Variants in CEP83 observed in about 807,000 individuals in gnomAD.
CEP83 encodes the protein centrosomal protein of 83 kDa.
CEP83 carries 70 observed loss-of-function variants against 101.9 expected under a neutral mutation model. The ratio of observed to expected loss-of-function variants is 0.69; its 90% CI spans 0.57 to 0.84. The LOEUF (loss-of-function observed/expected upper bound fraction) is 0.84. Ranked by LOEUF, CEP83 falls within the 40% of genes least tolerant of loss-of-function variation. CEP83 has a pLI of 0.00. For synonymous variants in CEP83, 264 were observed against 267.9 expected (o/e 0.99, Z 0.14); for missense variants, 715 against 787.2 (o/e 0.91, Z 1.10).
At chr12:94,444,928 C>T (rs1290070648) in intron 1 of CEP83, among the ~76,000 whole-genome samples, 2 of 151,842 alleles carry the variant, frequency 1.3e-5, no homozygotes, top group Non-Finnish European at 2.9e-5. Context: ...TAATTTCTCC[C>T]AAATTCAATG....
chr12:94,307,112 A>C (rs1969116529), downstream of CEP83: 1 of 152,182 alleles, frequency 6.6e-6, no homozygotes, highest in African/African-American at 2.4e-5. Flanking sequence ...TATTTACTAA[A>C]TGCTACATGA....
intron 11 of CEP83, among the ~76,000 whole-genome samples, chr12:94,356,580 T>C (rs944410560): frequency 6.6e-6 from 1 of 152,216 alleles, no homozygotes; most frequent in Non-Finnish European, 1.5e-5. Flanking sequence ...CCTGTTAGAA[T>C]ACATCCCCCA....
the CEP83 span, among the ~76,000 whole-genome samples, chr12:94,273,919 C>G: frequency 6.6e-6 from 1 of 152,134 alleles, no homozygotes; most frequent in East Asian, 1.9e-4. Context: ...CCCTACATTC[C>G]GTGGTGTCAG....
chr12:94,310,926 T>A (rs903437124), intron 15 of CEP83, among the ~76,000 whole-genome samples: 2 of 152,156 alleles, frequency 1.3e-5, no homozygotes, highest in African/African-American at 4.8e-5. Context: ...GTATCTTTTG[T>A]ATATTAATAA....
chr12:94,277,488 A>C, the CEP83 span, among the ~76,000 whole-genome samples: 1 of 152,214 alleles, frequency 6.6e-6, no homozygotes. Context: ...TGCTGTTCTA[A>C]GAACTGTGCG....
At chr12:94,300,405 G>A in the CEP83 span, among the ~76,000 whole-genome samples, 2 of 152,168 alleles carry the variant, frequency 1.3e-5, no homozygotes, top group Admixed American at 1.3e-4. Flanking sequence ...TGTGAGGCAC[G>A]TGCTTGCTTG....
At chr12:94,377,555 C>T (rs1459555239) in intron 7 of CEP83, among the ~76,000 whole-genome samples, 1 of 152,188 alleles carries the variant, frequency 6.6e-6, no homozygotes, top group East Asian at 1.9e-4. Context: ...AAATAATACT[C>T]TCTGGGCACA....
chr12:94,358,718 C>T (rs927109816), intron 11 of CEP83, among the ~76,000 whole-genome samples: 3 of 152,210 alleles, frequency 2.0e-5, no homozygotes, highest in Admixed American at 6.5e-5. Context: ...CCTTCTCCTG[C>T]TATAATTCCA....
chr12:94,272,632 A>G, the CEP83 span, among the ~76,000 whole-genome samples: 1 of 152,296 alleles, frequency 6.6e-6, no homozygotes, highest in Admixed American at 6.5e-5. Flanking sequence ...CCCACTGGGC[A>G]TGGTGGCTCA....
At chr12:94,355,341 A>C (rs1490092738) in intron 11 of CEP83, among the ~76,000 whole-genome samples, 2 of 152,064 alleles carry the variant, frequency 1.3e-5, no homozygotes, top group East Asian at 3.9e-4. Context: ...AAAATACAAA[A>C]AATTAGCCAG....
Position 94,308,887 on chromosome 12 carries a change from G to C in CEP83, c.2032C>G (p.Leu678Val). The C allele has an allele frequency of 1.2e-6, 2 of 1,612,042 alleles. No homozygotes were observed. The highest frequency in any genetic ancestry group is 1.7e-6 in the Non-Finnish European group (2 of 1,178,320). The change falls in exon 17 of 17, where the codon CTT (leucine) becomes GTT (valine). Residue 678 changes from leucine (L) to valine (V), a missense_variant. Coordinates refer to ENST00000397809, the MANE Select transcript of CEP83 (RefSeq NM_016122.3). ...EEQHQRELSL[L>V]RKRLEELETT... ...TCCAGTTCTTCTAGTCTTTTGCGAA[G>C]TAGAGAGAGTTCCCTTTGATGTTGT...
At chr12:94,310,653 C>T (rs570603228) in intron 15 of CEP83, among the ~76,000 whole-genome samples, 3 of 152,016 alleles carry the variant, frequency 2.0e-5, no homozygotes, top group East Asian at 1.9e-4. Flanking sequence ...CATGTTTGCC[C>T]GAATAAAAAT....
Position 94,368,045 on chromosome 12 carries a change from T to C in CEP83, c.1193+12A>G, listed in dbSNP as rs1468263203. The C allele has an allele frequency of 1.2e-6, 2 of 1,611,106 alleles. No homozygotes were observed. Among genetic ancestry groups the C allele is most frequent in the East Asian group, 4.5e-5 (2 of 44,814 alleles). ...GGATATTTAAGTCAAACTAAGGTAA[T>C]TAAGTACTTACTTTTCATCTTGTAA... On this transcript the variant is annotated intron_variant, in intron 10 of 16. Transcript: ENST00000397809.
At chr12:94,417,957 C>T (rs1248749805) in intron 2 of CEP83, among the ~76,000 whole-genome samples, 1 of 152,078 alleles carries the variant, frequency 6.6e-6, no homozygotes, top group East Asian at 1.9e-4. Context: ...GATAAAAATG[C>T]TTAAACAAAC....
intron 2 of CEP83, among the ~76,000 whole-genome samples, chr12:94,420,398 T>C (rs779669753): frequency 5.9e-5 from 9 of 151,782 alleles, no homozygotes; most frequent in Non-Finnish European, 1.0e-4. Context: ...CCATCAACAG[T>C]TGAAGAAACG....
At chr12:94,454,868 C>T (rs570379398) in intron 1 of CEP83, among the ~76,000 whole-genome samples, 4 of 151,752 alleles carry the variant, frequency 2.6e-5, no homozygotes, top group South Asian at 4.2e-4. Context: ...AGCAATACCA[C>T]GAACCCACCG....
chr12:94,400,787 T>C, intron 6 of CEP83, 63 bp downstream of exon 6: 1 of 1,020,480 alleles, frequency 9.8e-7, no homozygotes, highest in Non-Finnish European at 1.3e-6. Context: ...TTTAAAAATA[T>C]ATAATTATAA....
In CEP83 at chr12:94,412,522, T is replaced by TA. The variant is rs955376343; in HGVS notation, c.-33dup. The TA allele has an allele frequency of 6.2e-7, 1 of 1,601,280 alleles. No individual in the cohort carries two copies. The highest frequency in any genetic ancestry group is 1.7e-5 in the Admixed American group (1 of 58,168). ...ATAAGTTTTGGCTTTCTTACTGTTTTAGTTTTCTTTCCAAGGGTATTTCCC... is the reference window on the plus strand; with the variant it reads ...ATAAGTTTTGGCTTTCTTACTGTTTTAAGTTTTCTTTCCAAGGGTATTTCCC... On this transcript the variant is annotated 5_prime_UTR_variant, in exon 3 of 17. Transcript: ENST00000397809.
chr12:94,278,046 G>A, the CEP83 span: 26 of 455,938 alleles, frequency 5.7e-5, 1 homozygote, highest in South Asian at 3.4e-4. Context: ...CTCCTCTTTC[G>A]GCTTTGGAGC....
Sources: gnomAD v4.1 joint callset for allele counts (sites outside exome capture counted in the v4.1 genomes callset) on GRCh38, gnomAD v4.1.1 for gene constraint, MANE v1.5 for transcripts, NCBI Gene and HGNC (gene_info 2026-07-23, HGNC 2026-07-21) for gene names.